TRPS1: variants seen among roughly 807,000 people sequenced by gnomAD.
The protein encoded by TRPS1 is transcriptional repressor GATA binding 1.
A neutral mutation model predicts 101.2 loss-of-function variants in TRPS1; 6 were observed. That is an observed-to-expected ratio of 0.06 (90% CI 0.03 to 0.12). TRPS1 has a LOEUF of 0.12. Among genes scored for constraint, TRPS1 ranks in the 10% least tolerant of loss-of-function variants. The pLI is 1.00. For missense variants in TRPS1, 1,363 were observed against 1,567.0 expected (o/e 0.87, Z 2.20); for synonymous variants, 578 against 589.8 (o/e 0.98, Z 0.29).
intron 5 of TRPS1, among the ~76,000 whole-genome samples, chr8:115,580,318 A>C (rs1349142614): frequency 6.6e-6 from 1 of 151,684 alleles, no homozygotes; most frequent in Admixed American, 6.6e-5. Context: ...CAAAATCCCC[A>C]AAAATCCAAA....
chr8:115,518,924 AATTGTC>A (rs1649113209), intron 5 of TRPS1, among the ~76,000 whole-genome samples: 2 of 151,928 alleles, frequency 1.3e-5, no homozygotes, highest in Admixed American at 6.6e-5. Context: ...TGCCTTTTAC[AATTGTC>A]AAGGTTATCC....
chr8:115,638,295 G>A (rs1818815924), intron 1 of TRPS1, among the ~76,000 whole-genome samples: 1 of 152,196 alleles, frequency 6.6e-6, no homozygotes, highest in South Asian at 2.1e-4. Flanking sequence ...TTTTGAAGTA[G>A]GAACGCTGTA....
chr8:115,598,972 T>C (rs892446148), intron 4 of TRPS1, among the ~76,000 whole-genome samples: 5 of 152,230 alleles, frequency 3.3e-5, no homozygotes, highest in Non-Finnish European at 5.9e-5. Context: ...GCTTAGTGTA[T>C]GCTACGCTTC....
intron 5 of TRPS1, among the ~76,000 whole-genome samples, chr8:115,543,088 C>T (rs1341380540): frequency 6.6e-6 from 1 of 151,972 alleles, no homozygotes; most frequent in Admixed American, 6.6e-5. Context: ...GATGTGGAGG[C>T]CCAAAGGACA....
intron 5 of TRPS1, among the ~76,000 whole-genome samples, chr8:115,542,294 C>G (rs977398408): frequency 7.2e-5 from 11 of 152,144 alleles, no homozygotes; most frequent in African/African-American, 2.7e-4. Context: ...ACTATCATTA[C>G]TTTTACTGTT....
chr8:115,609,029 T>C (rs917774713), intron 3 of TRPS1, among the ~76,000 whole-genome samples: 1 of 152,092 alleles, frequency 6.6e-6, no homozygotes, highest in African/African-American at 2.4e-5. Context: ...GTATTTTTTG[T>C]GGAAACAGGG....
chr8:115,548,488 G>A (rs1480526092), intron 5 of TRPS1, among the ~76,000 whole-genome samples: 2 of 151,678 alleles, frequency 1.3e-5, no homozygotes, highest in Admixed American at 6.6e-5. Context: ...CAGGTGCCCC[G>A]CCCGCCACCA....
chr8:115,506,174 T>A (rs1815438242), intron 5 of TRPS1, among the ~76,000 whole-genome samples: 1 of 151,650 alleles, frequency 6.6e-6, no homozygotes, highest in South Asian at 2.1e-4. Context: ...AAAAGAAATA[T>A]AAAGGAAATA....
chr8:115,458,998 T>C (rs181794705), intron 5 of TRPS1, among the ~76,000 whole-genome samples: 1 of 152,318 alleles, frequency 6.6e-6, no homozygotes, highest in African/African-American at 2.4e-5. Flanking sequence ...CAATAACTTT[T>C]AACTAAAAAA....
chr8:115,447,721 T>G (rs958816775), intron 5 of TRPS1, among the ~76,000 whole-genome samples: 2 of 152,042 alleles, frequency 1.3e-5, no homozygotes, highest in African/African-American at 4.8e-5. Flanking sequence ...TCAAAAATAA[T>G]TCAGCAGATT....
intron 1 of TRPS1, among the ~76,000 whole-genome samples, chr8:115,659,835 C>A (rs1196871360): frequency 6.6e-6 from 1 of 151,876 alleles, no homozygotes; most frequent in Non-Finnish European, 1.5e-5. Flanking sequence ...AATTAACCCT[C>A]AAATAGGTGT....
chr8:115,515,410 C>G, intron 5 of TRPS1: 1 of 575,974 alleles, frequency 1.7e-6, no homozygotes, highest in Non-Finnish European at 3.1e-6. Flanking sequence ...AAATCAAATG[C>G]CAAATCTCTT....
chr8:115,648,271 G>T (rs1465671244), intron 1 of TRPS1, among the ~76,000 whole-genome samples: 1 of 368 alleles, frequency 2.7e-3, no homozygotes, highest in Non-Finnish European at 4.7e-3. Flanking sequence ...AGCTGGCAGG[G>T]CAGGCAGCGC....
intron 1 of TRPS1, among the ~76,000 whole-genome samples, chr8:115,662,809 A>G (rs1372898701): frequency 6.6e-6 from 1 of 152,062 alleles, no homozygotes; most frequent in Non-Finnish European, 1.5e-5. Flanking sequence ...CCTTAAAATT[A>G]ATGTTTTCAA....
intron 5 of TRPS1, among the ~76,000 whole-genome samples, chr8:115,487,652 T>C (rs1814917371): frequency 6.6e-6 from 1 of 152,168 alleles, no homozygotes; most frequent in Admixed American, 6.5e-5. Flanking sequence ...ATTTTAAGAC[T>C]TCACGTGGAG....
intron 5 of TRPS1, among the ~76,000 whole-genome samples, chr8:115,494,430 C>A (rs1815100691): frequency 6.6e-6 from 1 of 152,124 alleles, no homozygotes; most frequent in South Asian, 2.1e-4. Context: ...TGTTAAAAAG[C>A]AAGTCGAGAG....
At chr8:115,651,123 T>C (rs147253223) in intron 1 of TRPS1, among the ~76,000 whole-genome samples, 2 of 152,372 alleles carry the variant, frequency 1.3e-5, no homozygotes, top group East Asian at 3.9e-4. Context: ...ACACACCATG[T>C]ATCATCTTGC....
chr8:115,603,954 G>A lies in TRPS1; in HGVS notation c.2015C>T (p.Ser672Phe). The A allele has an allele frequency of 6.2e-7, 1 of 1,613,952 alleles. No homozygotes were observed. Among genetic ancestry groups the A allele is most frequent in the East Asian group, 2.2e-5 (1 of 44,858 alleles). ...NHLQGSDGQQ[S>F]VKESKEHSCT... is the part of the protein sequence containing the mutation. Reference sequence around the variant, plus strand: ...TGAGTGTTCTTTGCTTTCCTTGACAGACTGCTGCCCATCCGATCCTTGCAG... The same window carrying A: ...TGAGTGTTCTTTGCTTTCCTTGACAAACTGCTGCCCATCCGATCCTTGCAG... The change falls in exon 4 of 7, where the codon TCT becomes TTT. Residue 672 changes from serine (S) to phenylalanine (F), a missense_variant. By Grantham distance (155) the Ser-to-Phe change is radical. Around this residue, in one of 5 missense-constraint regions of TRPS1, gnomAD observed 1,020 missense variants for 1,073.0 expected, o/e 0.95. Transcript: ENST00000395715.
chr8:115,619,194 C>T lies in TRPS1; in HGVS notation c.904G>A (p.Gly302Ser). The T allele has an allele frequency of 6.2e-7, 1 of 1,614,130 alleles. No homozygotes were observed. Among genetic ancestry groups the T allele is most frequent in the South Asian group, 1.1e-5 (1 of 91,078 alleles). The change falls in exon 3 of 7, where the codon GGT becomes AGT. Residue 302 changes from glycine (G) to serine (S), a missense_variant. Physicochemically the swap from Gly to Ser is moderately conservative, Grantham distance 56 (BLOSUM62 0). This residue lies in a region of TRPS1 where 1,020 missense variants were observed against 1,073.0 expected (regional missense o/e 0.95). Coordinates refer to ENST00000395715, the MANE Select transcript of TRPS1 (RefSeq NM_014112.5). ...FQKVNRSVFSGVLQDINSSRP... is the reference protein window; with the variant it reads ...FQKVNRSVFSSVLQDINSSRP... ...GAAGAATTGATGTCCTGCAGCACAC[C>T]AGAAAACACAGAACGGTTGACCTTC...
Sources: allele counts gnomAD v4.1 joint callset (sites outside exome capture counted in the v4.1 genomes callset), GRCh38; gene constraint gnomAD v4.1.1; regional missense constraint gnomAD v4.1.1; transcripts MANE v1.5; gene names NCBI Gene and HGNC (gene_info 2026-07-23, HGNC 2026-07-21).